FNDC3A: variants seen among roughly 807,000 people sequenced by gnomAD.
FNDC3A encodes the protein fibronectin type-III domain-containing protein 3A.
FNDC3A carries 32 observed loss-of-function variants against 148.9 expected under a neutral mutation model. The observed-to-expected ratio is 0.21, with a 90% CI of 0.16 to 0.29. The LOEUF (loss-of-function observed/expected upper bound fraction) is 0.29, where lower values mean the gene tolerates loss of function less well. Ranked by LOEUF, FNDC3A falls within the 10% of genes least tolerant of loss-of-function variation. The pLI, the probability that FNDC3A is intolerant of heterozygous loss-of-function variation, is 1.00. For synonymous variants in FNDC3A, 472 were observed against 473.6 expected, an observed-to-expected ratio of 1.00 and a Z score of 0.04; for missense variants, 1,191 against 1,452.8, an observed-to-expected ratio of 0.82 and a Z score of 2.93.
intron 2 of FNDC3A, among the ~76,000 whole-genome samples, chr13:49,028,477 T>C (rs966125951): frequency 6.6e-6 from 1 of 151,918 alleles, no homozygotes; most frequent in Non-Finnish European, 1.5e-5. Context: ...TGACTTCAAG[T>C]GATCCTCCAA....
At chr13:49,024,270 C>T (rs1335079207) in intron 2 of FNDC3A, among the ~76,000 whole-genome samples, 2 of 151,900 alleles carry the variant, frequency 1.3e-5, no homozygotes, top group Non-Finnish European at 2.9e-5. Flanking sequence ...GACCAGATGG[C>T]CTCACTGCTG....
At chr13:49,181,947 T>G (rs1885326186) in intron 14 of FNDC3A, among the ~76,000 whole-genome samples, 2 of 152,112 alleles carry the variant, frequency 1.3e-5, no homozygotes, top group Admixed American at 6.5e-5. Context: ...TGAAAAAATT[T>G]AAATGATAAA....
chr13:49,123,175 G>A (rs981161089), intron 4 of FNDC3A, among the ~76,000 whole-genome samples: 5 of 152,034 alleles, frequency 3.3e-5, no homozygotes, highest in South Asian at 2.1e-4. Flanking sequence ...ACAGAACAGA[G>A]GCCTCAGAAA....
At chr13:49,146,333 G>A (rs1364583851) in intron 8 of FNDC3A, 2 of 160,060 alleles carry the variant, frequency 1.2e-5, no homozygotes, top group African/African-American at 2.4e-5. Flanking sequence ...ACATGTACAA[G>A]CTCATGTCCT....
intron 2 of FNDC3A, among the ~76,000 whole-genome samples, chr13:49,050,554 GT>G (rs1028576927): frequency 2.6e-5 from 4 of 152,232 alleles, no homozygotes; most frequent in South Asian, 4.1e-4. Context: ...CTTGTTTTGT[GT>G]CCTATCATAT....
chr13:49,097,011 T>C (rs935730029), intron 3 of FNDC3A, among the ~76,000 whole-genome samples: 4 of 152,048 alleles, frequency 2.6e-5, no homozygotes, highest in Non-Finnish European at 5.9e-5. Flanking sequence ...AGAGGTAGCT[T>C]AGAGAAGAGA....
At position 49,037,703 on chromosome 13, in the gene FNDC3A, A is replaced by G. The variant is rs892617026; in HGVS notation, c.99+31414A>G. ...CCTGGCCTCACCCCCCTCACAGTAC[A>G]TGCAACAGAGGCATGCCTCTCTGTT... On this transcript the variant is annotated intron_variant, in intron 2 of 25. Coordinates refer to ENST00000492622, the MANE Select transcript of FNDC3A (RefSeq NM_001079673.2). 4.6e-5 allele frequency among the ~76,000 whole-genome samples: 7 copies of G among 152,316 alleles called. No individual in the cohort carries two copies. The East Asian group carries it at 5.8e-4, about 13-fold the overall frequency.
intron 4 of FNDC3A, among the ~76,000 whole-genome samples, chr13:49,130,765 A>AT (rs1330331625): frequency 2.0e-5 from 3 of 151,512 alleles, no homozygotes; most frequent in Non-Finnish European, 4.4e-5. Flanking sequence ...TTACTCTTAC[A>AT]TTTTTATTTT....
chr13:49,097,607 G>A (rs1017888461), intron 3 of FNDC3A, among the ~76,000 whole-genome samples: 2 of 152,084 alleles, frequency 1.3e-5, no homozygotes, highest in Admixed American at 1.3e-4. Flanking sequence ...TGCTTTAAGT[G>A]TACAGGCCTA....
intron 2 of FNDC3A, among the ~76,000 whole-genome samples, chr13:49,050,983 G>A (rs1875799146): frequency 6.6e-6 from 1 of 152,030 alleles, no homozygotes; most frequent in African/African-American, 2.4e-5. Flanking sequence ...TACTTTTGGT[G>A]TACATTTGCA....
chr13:49,185,202 A>T (rs145922106), intron 14 of FNDC3A, among the ~76,000 whole-genome samples: 97 of 152,332 alleles, frequency 6.4e-4, no homozygotes, highest in African/African-American at 2.0e-3. Flanking sequence ...TATAATAGAA[A>T]AATACCTAGA....
chr13:49,036,057 G>A (rs1874470432), intron 2 of FNDC3A, among the ~76,000 whole-genome samples: 1 of 152,048 alleles, frequency 6.6e-6, no homozygotes, highest in Non-Finnish European at 1.5e-5. Context: ...TAATTTAATA[G>A]CACTTTAATG....
At chr13:48,982,865 C>T (rs1436052059) in intron 1 of FNDC3A, among the ~76,000 whole-genome samples, 2 of 152,102 alleles carry the variant, frequency 1.3e-5, no homozygotes, top group Admixed American at 6.5e-5. Flanking sequence ...AGCCTTGGTT[C>T]GTTCATTTTA....
At chr13:49,069,890 T>C (rs1285079721) in intron 2 of FNDC3A, among the ~76,000 whole-genome samples, 1 of 152,040 alleles carries the variant, frequency 6.6e-6, no homozygotes, top group African/African-American at 2.4e-5. Flanking sequence ...GCCAGAATAG[T>C]ATATTATAAG....
chr13:49,163,261 G>A (rs1343822869), intron 8 of FNDC3A, among the ~76,000 whole-genome samples: 5 of 152,214 alleles, frequency 3.3e-5, no homozygotes, highest in Admixed American at 3.3e-4. Context: ...AGGCAGGCAG[G>A]CCTCCTTGAG....
At chr13:49,117,880 T>A (rs906563344) in intron 4 of FNDC3A, among the ~76,000 whole-genome samples, 1 of 152,220 alleles carries the variant, frequency 6.6e-6, no homozygotes, top group African/African-American at 2.4e-5. Flanking sequence ...TTTTTACTCC[T>A]ACAGGATTTT....
In FNDC3A at chr13:49,006,250, T is replaced by A; in HGVS notation, c.60T>A (p.Leu20=). The part of the protein sequence containing the change: ...TTQILSSDIS[L]LSAPIVSADG... ...AGATCTTAAGTAGTGATATTTCTCT[T>A]TTGTCTGCCCCTATTGTAAGTGCAG... The change falls in exon 2 of 26, where the codon CTT becomes CTA. Residue 20 remains leucine (L), a synonymous_variant. Coordinates refer to ENST00000492622, the MANE Select transcript of FNDC3A (RefSeq NM_001079673.2). The A allele has an allele frequency of 6.2e-7, 1 of 1,609,786 alleles. No homozygotes were observed. The highest frequency in any genetic ancestry group is 8.5e-7 in the Non-Finnish European group (1 of 1,176,742).
At chr13:49,192,520 C>G (rs1885937518) in intron 19 of FNDC3A, among the ~76,000 whole-genome samples, 1 of 151,430 alleles carries the variant, frequency 6.6e-6, no homozygotes, top group African/African-American at 2.4e-5. Context: ...TAGTCTCAAA[C>G]TCCTGGGCTC....
Position 49,055,390 on chromosome 13 carries a change from T to G in FNDC3A, c.100-19899T>G, listed in dbSNP as rs537090766. On this transcript the variant is annotated intron_variant, in intron 2 of 25. Transcript: ENST00000492622. ...ACCTCTTGGCCAGGGCACTCCAAAG[T>G]TAACCTGCAAAATGGGTTCAGGGCA... Among the ~76,000 whole-genome samples, 49 of 151,918 alleles carry G rather than the reference T, an allele frequency of 3.2e-4. No homozygotes were observed. In the South Asian group the frequency reaches 1.0e-2, roughly 31 times the overall value.
Sources: gnomAD v4.1 joint callset for allele counts (sites outside exome capture counted in the v4.1 genomes callset) on GRCh38, gnomAD v4.1.1 for gene constraint, MANE v1.5 for transcripts, NCBI Gene and HGNC (gene_info 2026-07-23, HGNC 2026-07-21) for gene names.